Variants in OVCH1 observed in about 807,000 individuals in gnomAD.
OVCH1 encodes ovochymase-1.
A neutral mutation model predicts 138.4 loss-of-function variants in OVCH1; 139 were observed. The observed-to-expected ratio is 1.00, with a 90% confidence interval of 0.87 to 1.16. The LOEUF (loss-of-function observed/expected upper bound fraction) is 1.16, where lower values mean the gene tolerates loss of function less well. Ranked by LOEUF, OVCH1 falls within the 50% of genes most tolerant of loss-of-function variation. OVCH1 has a pLI of 0.00. For missense variants in OVCH1, 1,367 were observed against 1,357.9 expected (o/e 1.01, Z -0.11); for synonymous variants, 453 against 467.8 (o/e 0.97, Z 0.41).
chr12:29,409,785 T>C (rs893190392), downstream of OVCH1, among the ~76,000 whole-genome samples: 1 of 152,176 alleles, frequency 6.6e-6, no homozygotes, highest in African/African-American at 2.4e-5. Context: ...GTATATTCTG[T>C]TGATTTGGGG....
At chr12:29,496,603 T>C in exon 2 of OVCH1, 1 of 1,613,848 alleles carries the variant, frequency 6.2e-7, no homozygotes, top group Non-Finnish European at 8.5e-7. Context: ...CTACTAATTC[T>C]AGAGAAGAAT....
At chr12:29,406,188 C>G in the OVCH1 span, among the ~76,000 whole-genome samples, 1 of 135,924 alleles carries the variant, frequency 7.4e-6, no homozygotes, top group Non-Finnish European at 1.7e-5. Flanking sequence ...ATGAGACTTA[C>G]AAATATTAGG....
chr12:29,439,956 C>T (rs1031377450), intron 25 of OVCH1, among the ~76,000 whole-genome samples: 1 of 152,186 alleles, frequency 6.6e-6, no homozygotes, highest in East Asian at 1.9e-4. Flanking sequence ...AATGTTCTTT[C>T]TGGGTACACC....
chr12:29,433,357 C>T (rs1941303335), intron 27 of OVCH1, among the ~76,000 whole-genome samples: 1 of 152,178 alleles, frequency 6.6e-6, no homozygotes, highest in Non-Finnish European at 1.5e-5. Flanking sequence ...CCCCAGCACA[C>T]GCTCTCTTGC....
chr12:29,429,622 T>C (rs1239386856), intron 27 of OVCH1, among the ~76,000 whole-genome samples: 1 of 152,236 alleles, frequency 6.6e-6, no homozygotes, highest in Non-Finnish European at 1.5e-5. Context: ...TCTTCTGTTA[T>C]AAAGTCTTTA....
chr12:29,445,295 A>T (rs777622222), exon 23 of OVCH1: 2 of 1,611,652 alleles, frequency 1.2e-6, no homozygotes, highest in Non-Finnish European at 8.5e-7. Flanking sequence ...TTTCAAGACA[A>T]TATAGCTTAT....
chr12:29,476,665 TAAG>T (rs1942726725), intron 12 of OVCH1, among the ~76,000 whole-genome samples: 1 of 151,990 alleles, frequency 6.6e-6, no homozygotes, highest in African/African-American at 2.4e-5. Flanking sequence ...ATGCAGTTAT[TAAG>T]AAGAGCTCTG....
intron 4 of OVCH1, among the ~76,000 whole-genome samples, chr12:29,494,394 C>T (rs753924090): frequency 2.4e-4 from 37 of 152,084 alleles, no homozygotes; most frequent in Non-Finnish European, 4.0e-4. Flanking sequence ...GTTTATATTA[C>T]CTGTGTTGAG....
chr12:29,421,030 C>G (rs1340733676), intron 3 of OVCH1, among the ~76,000 whole-genome samples: 2 of 152,346 alleles, frequency 1.3e-5, no homozygotes, highest in South Asian at 4.1e-4. Flanking sequence ...ACCACAGGCA[C>G]AGGCACAGAC....
chr12:29,450,899 A>G (rs1320600792), intron 22 of OVCH1, among the ~76,000 whole-genome samples: 2 of 152,014 alleles, frequency 1.3e-5, no homozygotes, highest in African/African-American at 2.4e-5. Flanking sequence ...CATAATTCTC[A>G]GCAAGCTAAC....
chr12:29,431,936 A>G (rs367587555), intron 27 of OVCH1, among the ~76,000 whole-genome samples: 1 of 152,202 alleles, frequency 6.6e-6, no homozygotes, highest in East Asian at 1.9e-4. Flanking sequence ...TTCATCAGCT[A>G]AGGAGCTACC....
intron 8 of OVCH1, among the ~76,000 whole-genome samples, 192 bp from the exon 10 acceptor site, chr12:29,479,160 G>A (rs1460344639): frequency 1.3e-5 from 2 of 152,152 alleles, no homozygotes; most frequent in African/African-American, 2.4e-5. Context: ...ACAAATAGAT[G>A]AGTATTAATT....
chr12:29,447,261 G>A (rs1941643432), intron 22 of OVCH1, among the ~76,000 whole-genome samples: 1 of 152,042 alleles, frequency 6.6e-6, no homozygotes, highest in South Asian at 2.1e-4. Context: ...TTTGAGACCA[G>A]CCTGGGCAAA....
chr12:29,406,941 A>G, the OVCH1 span, among the ~76,000 whole-genome samples: 4 of 142,068 alleles, frequency 2.8e-5, no homozygotes, highest in Admixed American at 1.4e-4. Flanking sequence ...AAGTGTTCCT[A>G]TTTCTCCACA....
chr12:29,490,343 G>T lies in OVCH1; in HGVS notation c.551-572C>A, dbSNP rs534312983. On this transcript the variant is annotated intron_variant, in intron 5 of 27. Coordinates refer to ENST00000318184, the Ensembl canonical transcript of OVCH1. ...CATCTTCCTGCCTTGGCCTCCCAAAGTGCTAAGATTACAGGCGTGAGCCAC... is the reference window on the plus strand; with the variant it reads ...CATCTTCCTGCCTTGGCCTCCCAAATTGCTAAGATTACAGGCGTGAGCCAC... Among the ~76,000 whole-genome samples, 4 of 152,262 alleles carry T rather than the reference G, an allele frequency of 2.6e-5. No homozygotes were observed. The East Asian group carries it at 7.7e-4, about 29-fold the overall frequency.
downstream of OVCH1, among the ~76,000 whole-genome samples, chr12:29,410,489 T>C (rs1371326029): frequency 2.2e-5 from 3 of 136,728 alleles, no homozygotes; most frequent in Non-Finnish European, 5.1e-5. Flanking sequence ...TCAGGAGCTC[T>C]TTTAGGTCAG....
intron 4 of OVCH1, among the ~76,000 whole-genome samples, chr12:29,494,442 G>A (rs1943356326): frequency 6.6e-6 from 1 of 152,124 alleles, no homozygotes; most frequent in African/African-American, 2.4e-5. Flanking sequence ...ATGACAGAAA[G>A]AAGTCTCTGA....
intron 18 of OVCH1, 60 bp downstream of exon 18, chr12:29,464,447 A>C (rs778384376): frequency 6.5e-7 from 1 of 1,531,886 alleles, no homozygotes; most frequent in African/African-American, 1.4e-5. Flanking sequence ...TATCATTTAC[A>C]TGACCTATTT....
intron 4 of OVCH1, among the ~76,000 whole-genome samples, chr12:29,494,001 T>C (rs1190477681): frequency 6.6e-6 from 1 of 152,238 alleles, no homozygotes; most frequent in Non-Finnish European, 1.5e-5. Context: ...AATTTTGCCT[T>C]GGAGTTTTTT....
Sources: allele counts gnomAD v4.1 joint callset (sites outside exome capture counted in the v4.1 genomes callset), GRCh38; gene constraint gnomAD v4.1.1; transcripts MANE v1.5; gene names NCBI Gene and HGNC (gene_info 2026-07-23, HGNC 2026-07-21).